Variants in DCAF1 observed in about 807,000 individuals in gnomAD.
DCAF1 encodes the protein DDB1- and CUL4-associated factor 1.
Under a neutral mutation model 128.0 loss-of-function variants are expected in DCAF1, and 15 were observed. That is an observed-to-expected ratio of 0.12 (90% CI 0.08 to 0.18). DCAF1 has a LOEUF of 0.18. DCAF1 is among the 10% of genes least tolerant of loss of function. DCAF1 has a pLI of 1.00. For missense variants in DCAF1, 988 were observed against 1,649.5 expected, an observed-to-expected ratio of 0.60 and a Z score of 6.95; for synonymous variants, 610 against 603.0, an observed-to-expected ratio of 1.01 and a Z score of -0.17.
At chr3:51,462,297 C>T (rs1553644825) in intron 6 of DCAF1, among the ~76,000 whole-genome samples, 42 of 152,118 alleles carry the variant, frequency 2.8e-4, no homozygotes. Flanking sequence ...TAGCGTACAC[C>T]TGTAATCCCA....
At chr3:51,480,089 G>C (rs1705979302) in intron 3 of DCAF1, among the ~76,000 whole-genome samples, 1 of 146,110 alleles carries the variant, frequency 6.8e-6, no homozygotes. Flanking sequence ...GGGTAACACA[G>C]TGAGACCCTG....
chr3:51,446,061 T>G (rs951601804), intron 6 of DCAF1, among the ~76,000 whole-genome samples: 1 of 146,118 alleles, frequency 6.8e-6, no homozygotes, highest in African/African-American at 2.5e-5. Context: ...TGGCGCAATC[T>G]CGACTCAGTG....
chr3:51,469,882 G>A (rs988626025), intron 4 of DCAF1, among the ~76,000 whole-genome samples: 7 of 152,074 alleles, frequency 4.6e-5, no homozygotes, highest in African/African-American at 1.4e-4. Context: ...TTAGCCGACT[G>A]TGGTGGTGCA....
At chr3:51,484,201 G>A (rs561935174) in intron 2 of DCAF1, among the ~76,000 whole-genome samples, 2 of 152,186 alleles carry the variant, frequency 1.3e-5, no homozygotes, top group South Asian at 4.2e-4. Flanking sequence ...CACCAGGCAT[G>A]GTGGCTCACA....
chr3:51,430,072 G>C lies in DCAF1; in HGVS notation c.1428C>G (p.Leu476=), dbSNP rs1260289583. 2.6e-6 allele frequency: 2 copies of C among 780,608 alleles called. No homozygotes were observed. The highest frequency in any genetic ancestry group is 1.7e-5 in the Admixed American group (1 of 58,996). The allele number at this position is 780,608 out of a possible 1,614,324, so 48.4% of individuals were successfully genotyped here. ...GACGAAGACCATCATAGCGGTCAAAGAGCTCCAAGACGGCCCGAAATGAGA... is the reference window on the plus strand; with the variant it reads ...GACGAAGACCATCATAGCGGTCAAACAGCTCCAAGACGGCCCGAAATGAGA... ...ICFSFRAVLE[L]FDRYDGLRRL... Residue 476 remains leucine, a synonymous_variant, in exon 11 of 25, where the codon CTC becomes CTG. Transcript: ENST00000684031.
rs1386799432 is a variant in DCAF1, at chr3:51,484,818, A to C, written c.-8-982T>G. Among the ~76,000 whole-genome samples the C allele has an allele frequency of 3.1e-5, 4 of 128,936 alleles. No individual in the cohort carries two copies. The South Asian group carries it at 1.0e-3, about 34-fold the overall frequency. 84.6% of individuals were successfully genotyped at this position (128,936 alleles called of 152,430 possible). A position where few individuals can be genotyped will look rare whatever the true frequency, so the allele number is the denominator to read the frequency against. ...CTGCCTCAGCCTCCCGAGTAGCTGG[A>C]ATTACAGGCGCCCGCCACCATGCCT... On this transcript the variant is annotated intron_variant, in intron 2 of 24. Transcript: ENST00000684031.
chr3:51,413,516 C>T (rs1559481065), intron 20 of DCAF1, 130 bp from the exon 21 acceptor site: 8 of 1,394,930 alleles, frequency 5.7e-6, no homozygotes, highest in Non-Finnish European at 6.7e-6. Flanking sequence ...TTCCCTTGTA[C>T]AGAAATCTAC....
chr3:51,407,236 T>G (rs1243343353), intron 23 of DCAF1, among the ~76,000 whole-genome samples: 1 of 152,198 alleles, frequency 6.6e-6, no homozygotes, highest in Non-Finnish European at 1.5e-5. Flanking sequence ...ATGTCATATT[T>G]TGCTAAATGT....
chr3:51,432,348 G>C lies in DCAF1; in HGVS notation c.1287+758C>G, dbSNP rs1214084507. ...TGTAGTCCTAGCTACCTGGCAGGCT[G>C]AGCACTTGGGCAATAGGGCAAGACC... On this transcript the variant is annotated intron_variant, in intron 10 of 24. Coordinates refer to ENST00000684031, the MANE Select transcript of DCAF1 (RefSeq NM_001387579.1). 2.0e-5 allele frequency among the ~76,000 whole-genome samples: 3 copies of C among 151,328 alleles called. 1 individual carries two copies. In the East Asian group the frequency reaches 5.8e-4, roughly 29 times the overall value.
intron 9 of DCAF1, chr3:51,438,098 A>T (rs1255718446): frequency 4.6e-6 from 2 of 438,834 alleles, no homozygotes; most frequent in Non-Finnish European, 8.8e-6. Context: ...TGCATGCCCA[A>T]AATTTCCCTG....
chr3:51,441,243 C>T, intron 8 of DCAF1, 142 bp downstream of exon 8: 3 of 1,233,346 alleles, frequency 2.4e-6, no homozygotes, highest in Non-Finnish European at 3.3e-6. Flanking sequence ...GAATGACCTG[C>T]ATAAGACTTG....
At chr3:51,438,976 G>A (rs1701106509) in intron 9 of DCAF1, among the ~76,000 whole-genome samples, 1 of 152,118 alleles carries the variant, frequency 6.6e-6, no homozygotes, top group Admixed American at 6.6e-5. Context: ...GTTACCTATT[G>A]AGGAGAACTG....
At chr3:51,504,863 C>T (rs1708903751), upstream of DCAF1, among the ~76,000 whole-genome samples, 1 of 152,038 alleles carries the variant, frequency 6.6e-6, no homozygotes, top group South Asian at 2.1e-4. Flanking sequence ...CCTGTAATTC[C>T]AGCACTTAGG....
chr3:51,502,786 A>G (rs782555819), upstream of DCAF1, among the ~76,000 whole-genome samples: 2 of 152,000 alleles, frequency 1.3e-5, no homozygotes, highest in Admixed American at 6.6e-5. Context: ...CCCCTCCCCA[A>G]CATGCACATA....
intron 23 of DCAF1, among the ~76,000 whole-genome samples, chr3:51,408,990 C>A (rs1388692300): frequency 6.6e-6 from 1 of 152,188 alleles, no homozygotes; most frequent in African/African-American, 2.4e-5. Context: ...CTTCTACAGG[C>A]TGGGCTCCAG....
intron 2 of DCAF1, among the ~76,000 whole-genome samples, chr3:51,492,789 CAG>C (rs1180218146): frequency 6.6e-6 from 1 of 150,966 alleles, no homozygotes; most frequent in African/African-American, 2.4e-5. Context: ...GGTCAGGAGA[CAG>C]AGACCATCCT....
chr3:51,466,915 GTAAGTCA>G, intron 4 of DCAF1, 39 bp from the exon 5 acceptor site: 1 of 1,599,278 alleles, frequency 6.3e-7, no homozygotes, highest in Non-Finnish European at 8.6e-7. Context: ...AAAGGAATGA[GTAAGTCA>G]TCCCAGTCAA....
At chr3:51,401,874 G>A (rs1480973293) in intron 24 of DCAF1, among the ~76,000 whole-genome samples, 1 of 152,062 alleles carries the variant, frequency 6.6e-6, no homozygotes, top group Non-Finnish European at 1.5e-5. Flanking sequence ...ACCAGGCTTC[G>A]GCCTACTCCA....
intron 3 of DCAF1, among the ~76,000 whole-genome samples, chr3:51,477,115 T>G (rs564501174): frequency 6.6e-6 from 1 of 152,050 alleles, no homozygotes; most frequent in East Asian, 1.9e-4. Flanking sequence ...CTCGCACAGC[T>G]TGGACCAAAG....
Sources: allele counts gnomAD v4.1 joint callset (sites outside exome capture counted in the v4.1 genomes callset), GRCh38; gene constraint gnomAD v4.1.1; transcripts MANE v1.5; gene names NCBI Gene and HGNC (gene_info 2026-07-23, HGNC 2026-07-21).